The following CENPC variants were observed in gnomAD, a reference collection of about 807,000 sequenced individuals.
CENPC encodes centromere protein C.
In CENPC, 63 loss-of-function variants were observed where a neutral mutation model predicts 112.1. That is an observed-to-expected ratio of 0.56 (90% CI 0.46 to 0.69). CENPC has a LOEUF of 0.69. Ranked by LOEUF, CENPC falls within the 30% of genes least tolerant of loss-of-function variation. The pLI, the probability that CENPC is intolerant of heterozygous loss-of-function variation, is 0.00. For synonymous variants in CENPC, 333 were observed against 367.6 expected (o/e 0.91, Z 1.08); for missense variants, 1,000 against 1,103.8 (o/e 0.91, Z 1.33).
chr4:67,491,533 G>A (rs1292338402), intron 16 of CENPC, among the ~76,000 whole-genome samples: 4 of 45,092 alleles, frequency 8.9e-5, no homozygotes, highest in Non-Finnish European at 1.5e-4. Flanking sequence ...AGAGAGCCTG[G>A]TTGTTAAACA....
At chr4:67,503,721 A>C (rs1329199894) in intron 12 of CENPC, among the ~76,000 whole-genome samples, 1 of 152,174 alleles carries the variant, frequency 6.6e-6, no homozygotes, top group African/African-American at 2.4e-5. Flanking sequence ...ATCTGTATAC[A>C]AATTATTCCC....
At chr4:67,482,423 CATT>C (rs1383336629) in intron 17 of CENPC, among the ~76,000 whole-genome samples, 1 of 152,146 alleles carries the variant, frequency 6.6e-6, no homozygotes, top group African/African-American at 2.4e-5. Flanking sequence ...AAAAGTGAGT[CATT>C]ATATGAAAAA....
At position 67,492,228 on chromosome 4, in the gene CENPC, G is replaced by T; in HGVS notation, c.2467C>A (p.Gln823Lys). ...NLGIPLGDPL[Q>K]PTRVKDPETR... ...TCTGGGTCCTTTACCCTCGTTGGCTGCAAAGGATCTCCAAGAGGTATACCT... is the reference window on the plus strand; with the variant it reads ...TCTGGGTCCTTTACCCTCGTTGGCTTCAAAGGATCTCCAAGAGGTATACCT... Residue 823 changes from glutamine to lysine, a missense_variant, in exon 16 of 19, where the codon CAG (glutamine) becomes AAG (lysine). Coordinates refer to ENST00000273853, the MANE Select transcript of CENPC (RefSeq NM_001812.4). The T allele has an allele frequency of 1.3e-6, 2 of 1,569,602 alleles. No individual in the cohort carries two copies. The highest frequency in any genetic ancestry group is 1.7e-6 in the Non-Finnish European group (2 of 1,155,174).
chr4:67,482,001 T>C (rs1383301071), intron 17 of CENPC, among the ~76,000 whole-genome samples: 3 of 152,070 alleles, frequency 2.0e-5, no homozygotes, highest in African/African-American at 7.2e-5. Context: ...AAAGAAAATA[T>C]TCACAAACTG....
intron 16 of CENPC, among the ~76,000 whole-genome samples, chr4:67,491,968 C>A (rs995329261): frequency 2.6e-5 from 4 of 152,100 alleles, no homozygotes; most frequent in Middle Eastern, 3.2e-3. Context: ...AGGACAAGTC[C>A]GGGGTGTTAA....
intron 2 of CENPC, among the ~76,000 whole-genome samples, chr4:67,542,848 C>T (rs1325321734): frequency 1.3e-5 from 2 of 152,168 alleles, no homozygotes. Context: ...TACACTCCTG[C>T]TATTACCTGT....
intron 7 of CENPC, among the ~76,000 whole-genome samples, chr4:67,517,857 T>C (rs1726104645): frequency 6.6e-6 from 1 of 151,944 alleles, no homozygotes; most frequent in Non-Finnish European, 1.5e-5. Flanking sequence ...CATACATACA[T>C]ACATAAATAC....
At chr4:67,510,127 C>T (rs746017024) in intron 9 of CENPC, among the ~76,000 whole-genome samples, 1 of 152,132 alleles carries the variant, frequency 6.6e-6, no homozygotes, top group Non-Finnish European at 1.5e-5. Flanking sequence ...TATCATGCCT[C>T]ACCTCAGACC....
At chr4:67,474,071 AT>A (rs34738158) in intron 18 of CENPC, among the ~76,000 whole-genome samples, 135,490 of 149,388 alleles carry the variant, frequency 0.91, 61,628 homozygotes, top group South Asian at 0.95. Context: ...ACATAAATGT[AT>A]TTTTTTTTTT....
At chr4:67,525,253 G>A (rs148660331) in intron 5 of CENPC, among the ~76,000 whole-genome samples, 1,689 of 152,192 alleles carry the variant, frequency 0.011, 27 homozygotes, top group African/African-American at 0.038. Context: ...ATACCATTCA[G>A]GACATAAGCA....
intron 17 of CENPC, among the ~76,000 whole-genome samples, chr4:67,481,963 C>T (rs555638165): frequency 1.9e-4 from 29 of 152,080 alleles, no homozygotes; most frequent in Non-Finnish European, 3.2e-4. Flanking sequence ...AAACAGGCAA[C>T]GGCAGAGTAA....
intron 17 of CENPC, among the ~76,000 whole-genome samples, chr4:67,489,201 C>T (rs868478421): frequency 2.1e-5 from 3 of 145,982 alleles, no homozygotes; most frequent in African/African-American, 5.0e-5. Context: ...TATACATACA[C>T]ACACACACAC....
intron 6 of CENPC, among the ~76,000 whole-genome samples, 161 bp downstream of exon 6, chr4:67,519,052 CTTAA>C (rs1314279092): frequency 2.0e-5 from 3 of 152,114 alleles, no homozygotes; most frequent in Non-Finnish European, 4.4e-5. Flanking sequence ...TAAGCCCTTC[CTTAA>C]TTATTACAAA....
At position 67,545,475 on chromosome 4, in the gene CENPC, TTAAGTCTCA is replaced by T. The variant is rs1727009872; in HGVS notation, c.-129_-121del. On this transcript the variant is annotated 5_prime_UTR_variant, in exon 1 of 19. Transcript: ENST00000273853. The stretch of plus-strand genomic sequence containing the variant: ...ACCAGGCCGCGGCCAAGCAATAACC[TTAAGTCTCA>T]GGCGACTGCCGCGAGAGCTGCGATC... The T allele has an allele frequency of 1.9e-6, 2 of 1,063,202 alleles. No individual in the cohort carries two copies. Among genetic ancestry groups the T allele is most frequent in the Non-Finnish European group, 2.5e-6 (2 of 789,258 alleles). The allele number at this position is 1,063,202 out of a possible 1,614,324, so 65.9% of individuals were successfully genotyped here.
chr4:67,535,405 C>A (rs1387733879), intron 4 of CENPC, among the ~76,000 whole-genome samples: 1 of 150,480 alleles, frequency 6.6e-6, no homozygotes, highest in Non-Finnish European at 1.5e-5. Flanking sequence ...GAGTACATGA[C>A]AAAACCTATG....
At chr4:67,497,377 T>G (rs996006311) in intron 12 of CENPC, among the ~76,000 whole-genome samples, 1 of 151,378 alleles carries the variant, frequency 6.6e-6, no homozygotes, top group East Asian at 1.9e-4. Flanking sequence ...CACTCCGTCT[T>G]AAAAAAAAAT....
At chr4:67,486,585 C>T (rs1287332226) in intron 17 of CENPC, among the ~76,000 whole-genome samples, 1 of 152,124 alleles carries the variant, frequency 6.6e-6, no homozygotes, top group Non-Finnish European at 1.5e-5. Flanking sequence ...GGACAACGGA[C>T]AATTTCTGAA....
At chr4:67,530,701 CA>C in intron 5 of CENPC, 113 bp downstream of exon 5, 4 of 437,746 alleles carry the variant, frequency 9.1e-6, no homozygotes, top group Non-Finnish European at 1.6e-5. Flanking sequence ...TCACAATTCA[CA>C]ATTCTGTCTA....
intron 12 of CENPC, among the ~76,000 whole-genome samples, chr4:67,501,885 T>C (rs775131516): frequency 8.5e-5 from 13 of 152,146 alleles, no homozygotes; most frequent in Non-Finnish European, 1.9e-4. Flanking sequence ...TTGTGAAATC[T>C]TGATGAAGGG....
Sources: allele counts gnomAD v4.1 joint callset (sites outside exome capture counted in the v4.1 genomes callset), GRCh38; gene constraint gnomAD v4.1.1; transcripts MANE v1.5; gene names NCBI Gene and HGNC (gene_info 2026-07-23, HGNC 2026-07-21).